Variants in LRBA observed in about 807,000 individuals in gnomAD.
LRBA encodes lipopolysaccharide-responsive and beige-like anchor protein.
Under a neutral mutation model 330.0 loss-of-function variants are expected in LRBA, and 176 were observed. The ratio of observed to expected loss-of-function variants is 0.53; its 90% CI spans 0.47 to 0.60. The LOEUF (loss-of-function observed/expected upper bound fraction) is 0.60, where lower values mean the gene tolerates loss of function less well. Ranked by LOEUF, LRBA falls within the 20% of genes least tolerant of loss-of-function variation. LRBA has a pLI of 0.00. For missense variants in LRBA, 3,259 were observed against 3,444.8 expected, an observed-to-expected ratio of 0.95 and a Z score of 1.35; for synonymous variants, 1,230 against 1,193.0, an observed-to-expected ratio of 1.03 and a Z score of -0.64.
intron 2 of LRBA, among the ~76,000 whole-genome samples, chr4:150,988,876 C>T (rs904634514): frequency 3.3e-5 from 5 of 151,612 alleles, no homozygotes; most frequent in African/African-American, 1.2e-4. Context: ...CGTGCCCAGC[C>T]ATCAGATTTT....
At chr4:150,357,999 T>C (rs962924229) in intron 47 of LRBA, among the ~76,000 whole-genome samples, 1 of 152,092 alleles carries the variant, frequency 6.6e-6, no homozygotes, top group Admixed American at 6.6e-5. Flanking sequence ...ACAAACCAGA[T>C]GGCCTGGAAA....
rs1484179883 is a variant in LRBA, at chr4:150,350,138, A to G, written c.7216T>C (p.Ser2406Pro). The change falls in exon 48 of 57, where the codon TCC (serine) becomes CCC (proline). Residue 2406 changes from serine (S) to proline (P), a missense_variant. Ser to Pro is a moderately conservative substitution (Grantham distance 74, BLOSUM62 -1). Transcript: ENST00000651943. ...TCAATCCATTGGTGAAGCTGGCAGG[A>G]AACAAATTCACTCTCCAGGGCCTGA... ...NRLALESEFV[S>P]CQLHQWIDLI... 1 of 1,589,176 alleles carries G rather than the reference A, an allele frequency of 6.3e-7. No homozygotes were observed. Among genetic ancestry groups the G allele is most frequent in the Non-Finnish European group, 8.5e-7 (1 of 1,170,668 alleles).
intron 40 of LRBA, among the ~76,000 whole-genome samples, chr4:150,564,006 A>T (rs534312336): frequency 1.2e-4 from 19 of 152,286 alleles, no homozygotes; most frequent in African/African-American, 4.3e-4. Context: ...GCTACCAATG[A>T]CTTTCTTCAC....
At chr4:150,795,216 C>T (rs973455689) in intron 34 of LRBA, among the ~76,000 whole-genome samples, 1 of 152,022 alleles carries the variant, frequency 6.6e-6, no homozygotes, top group South Asian at 2.1e-4. Flanking sequence ...GAACAAGATA[C>T]AAACACTTTA....
chr4:150,932,205 TAC>T (rs1734578193), intron 2 of LRBA, among the ~76,000 whole-genome samples: 2 of 151,986 alleles, frequency 1.3e-5, no homozygotes, highest in Admixed American at 6.6e-5. Flanking sequence ...CATATTTAAC[TAC>T]ATAATAATCA....
chr4:150,402,129 A>G (rs1745565427), intron 47 of LRBA, among the ~76,000 whole-genome samples: 1 of 150,772 alleles, frequency 6.6e-6, no homozygotes, highest in South Asian at 2.1e-4. Context: ...TCTCTACTAA[A>G]AAAAAAAAAA....
At chr4:150,469,518 C>A (rs1755836074) in intron 43 of LRBA, among the ~76,000 whole-genome samples, 1 of 152,100 alleles carries the variant, frequency 6.6e-6, no homozygotes, top group Non-Finnish European at 1.5e-5. Context: ...AAAATATGTC[C>A]ATTAAACTTG....
At chr4:150,805,279 A>G (rs1465735453) in intron 33 of LRBA, among the ~76,000 whole-genome samples, 2 of 118,776 alleles carry the variant, frequency 1.7e-5, no homozygotes, top group Admixed American at 1.0e-4. Flanking sequence ...AAAGGAAAGG[A>G]AAGGAGAAGG....
At chr4:150,566,523 T>C (rs1581695443) in intron 40 of LRBA, among the ~76,000 whole-genome samples, 2 of 152,236 alleles carry the variant, frequency 1.3e-5, no homozygotes, top group South Asian at 2.1e-4. Flanking sequence ...TTTAGGACTG[T>C]AGCAGACTTT....
At chr4:150,818,565 C>T (rs28712843) in intron 30 of LRBA, among the ~76,000 whole-genome samples, 98,147 of 143,892 alleles carry the variant, frequency 0.68, 37,220 homozygotes, top group Non-Finnish European at 0.86. Flanking sequence ...TGTGTGTGTG[C>T]GTGCACGAAT....
At chr4:150,723,039 G>A (rs1196098384) in intron 36 of LRBA, among the ~76,000 whole-genome samples, 1 of 152,120 alleles carries the variant, frequency 6.6e-6, no homozygotes, top group African/African-American at 2.4e-5. Flanking sequence ...ACATATCCCA[G>A]GGGACAGAAC....
chr4:150,504,779 G>C (rs1048911329), intron 40 of LRBA, among the ~76,000 whole-genome samples: 1 of 151,510 alleles, frequency 6.6e-6, no homozygotes, highest in Non-Finnish European at 1.5e-5. Context: ...ACACAGACTG[G>C]CAAATTGGAT....
intron 37 of LRBA, among the ~76,000 whole-genome samples, chr4:150,644,496 TG>T (rs1388640629): frequency 1.3e-5 from 2 of 151,888 alleles, no homozygotes; most frequent in Non-Finnish European, 3.0e-5. Flanking sequence ...AAAACAAAAT[TG>T]TTTAAGAATA....
At chr4:150,294,132 T>C (rs75114856) in intron 53 of LRBA, among the ~76,000 whole-genome samples, 3,407 of 152,294 alleles carry the variant, frequency 0.022, 127 homozygotes, top group African/African-American at 0.078. Context: ...TGTTCAAAAG[T>C]CAACTGTACA....
chr4:150,929,768 C>G (rs529069314), intron 2 of LRBA, among the ~76,000 whole-genome samples: 19 of 151,900 alleles, frequency 1.3e-4, no homozygotes, highest in African/African-American at 3.6e-4. Flanking sequence ...TTTAGAATTA[C>G]CTTTGTAGAG....
intron 37 of LRBA, among the ~76,000 whole-genome samples, chr4:150,627,312 C>T (rs1776955906): frequency 6.6e-6 from 1 of 151,798 alleles, no homozygotes; most frequent in Non-Finnish European, 1.5e-5. Context: ...AATAACAAAA[C>T]TTCAATATAA....
intron 29 of LRBA, among the ~76,000 whole-genome samples, chr4:150,829,700 T>C (rs1746865762): frequency 6.6e-6 from 1 of 152,226 alleles, no homozygotes; most frequent in Non-Finnish European, 1.5e-5. Flanking sequence ...TCTTATGTTC[T>C]CTGTCTGCAT....
intron 36 of LRBA, among the ~76,000 whole-genome samples, chr4:150,706,970 C>A (rs565315798): frequency 2.0e-5 from 3 of 151,766 alleles, no homozygotes; most frequent in African/African-American, 7.2e-5. Context: ...GAAACATTCA[C>A]ACTTTGTTGA....
chr4:150,858,836 T>C (rs949884202), intron 22 of LRBA, among the ~76,000 whole-genome samples: 1 of 152,186 alleles, frequency 6.6e-6, no homozygotes, highest in African/African-American at 2.4e-5. Flanking sequence ...TTGTAACTTT[T>C]GAAATTTCTT....
Sources: allele counts gnomAD v4.1 joint callset (sites outside exome capture counted in the v4.1 genomes callset), GRCh38; gene constraint gnomAD v4.1.1; transcripts MANE v1.5; gene names NCBI Gene and HGNC (gene_info 2026-07-23, HGNC 2026-07-21).